Variants in MLLT3 observed in about 807,000 individuals in gnomAD.
MLLT3 encodes MLLT3 super elongation complex subunit.
MLLT3 carries 4 observed loss-of-function variants against 53.2 expected under a neutral mutation model. The observed-to-expected ratio is 0.08, with a 90% CI of 0.04 to 0.17. The LOEUF is 0.17. MLLT3 is among the 10% of genes least tolerant of loss of function. The pLI, the probability that MLLT3 is intolerant of heterozygous loss-of-function variation, is 1.00. For missense variants in MLLT3, 569 were observed against 684.0 expected (o/e 0.83, Z 1.87); for synonymous variants, 283 against 230.6 (o/e 1.23, Z -2.06).
rs559605660 is a variant in MLLT3, at chr9:20,523,726, T to G, written c.194-66940A>C. ...GGCTCATGCCTGTAATCCCAGCACTTTGGGAGGCTGATGAGGGCAATCGCT... is the reference window on the plus strand; with the variant it reads ...GGCTCATGCCTGTAATCCCAGCACTGTGGGAGGCTGATGAGGGCAATCGCT... On this transcript the variant is annotated intron_variant, in intron 2 of 10. Coordinates refer to ENST00000380338, the MANE Select transcript of MLLT3 (RefSeq NM_004529.4). Among the ~76,000 whole-genome samples the G allele has an allele frequency of 5.9e-5, 9 of 152,164 alleles. No homozygotes were observed. In the East Asian group the frequency reaches 1.5e-3, roughly 26 times the overall value.
At chr9:20,387,342 T>C (rs181702020) in intron 5 of MLLT3, among the ~76,000 whole-genome samples, 1 of 152,374 alleles carries the variant, frequency 6.6e-6, no homozygotes, top group Non-Finnish European at 1.5e-5. Flanking sequence ...GGGTACTTAG[T>C]ACAGCAATAT....
intron 8 of MLLT3, among the ~76,000 whole-genome samples, chr9:20,360,299 T>A (rs955421250): frequency 1.3e-5 from 2 of 152,182 alleles, no homozygotes; most frequent in African/African-American, 4.8e-5. Flanking sequence ...TAAAAGATAG[T>A]GTTAATGTCA....
chr9:20,559,017 T>C (rs1245590904), intron 2 of MLLT3, among the ~76,000 whole-genome samples: 2 of 152,190 alleles, frequency 1.3e-5, no homozygotes, highest in African/African-American at 4.8e-5. Flanking sequence ...GGGTAGACTG[T>C]AGCACAATGG....
chr9:20,364,872 C>T (rs1316716379), intron 6 of MLLT3, among the ~76,000 whole-genome samples: 5 of 152,050 alleles, frequency 3.3e-5, no homozygotes, highest in Non-Finnish European at 5.9e-5. Flanking sequence ...TGAAGATTTT[C>T]CACATACACA....
chr9:20,513,776 C>A (rs1817826763), intron 2 of MLLT3, among the ~76,000 whole-genome samples: 1 of 152,174 alleles, frequency 6.6e-6, no homozygotes, highest in Non-Finnish European at 1.5e-5. Context: ...GATAGTGTGT[C>A]AAGGATGACT....
chr9:20,610,867 T>A (rs1232121838), intron 2 of MLLT3, among the ~76,000 whole-genome samples: 2 of 152,138 alleles, frequency 1.3e-5, no homozygotes, highest in East Asian at 1.9e-4. Flanking sequence ...ACAACAAGCA[T>A]CAGACAATCT....
rs1176274864 is a variant in MLLT3, at chr9:20,620,293, A to ACACACGCGCGCG, written c.193+360_193+361insCGCGCGCGTGTG. ...CACACACACACACACACACACACAC[A>ACACACGCGCGCG]CGCGCAAAGTGTTTATTCCCTCCAG... On this transcript the variant is annotated intron_variant, in intron 2 of 10. Coordinates refer to ENST00000380338, the MANE Select transcript of MLLT3 (RefSeq NM_004529.4). The surrounding 1 kb of genome is among the most constrained non-coding windows in gnomAD (Gnocchi z 6.1). Among the ~76,000 whole-genome samples the ACACACGCGCGCG allele has an allele frequency of 2.1e-5, 3 of 145,962 alleles. No individual in the cohort carries two copies. The highest frequency in any genetic ancestry group is 7.5e-5 in the African/African-American group (3 of 39,816).
intron 5 of MLLT3, among the ~76,000 whole-genome samples, chr9:20,383,231 G>A (rs1167549519): frequency 2.0e-5 from 3 of 151,878 alleles, no homozygotes; most frequent in African/African-American, 4.8e-5. Flanking sequence ...GAAAACAAAT[G>A]CAGCTATCAG....
intron 2 of MLLT3, among the ~76,000 whole-genome samples, chr9:20,561,819 C>A (rs546641430): frequency 2.0e-5 from 3 of 152,118 alleles, no homozygotes; most frequent in Non-Finnish European, 4.4e-5. Flanking sequence ...GAAATAAGAA[C>A]CCTCTGTAGG....
rs573446171 is a variant in MLLT3, at chr9:20,457,713, A to T, written c.194-927T>A. Among the ~76,000 whole-genome samples, 4 of 152,368 alleles carry T rather than the reference A, an allele frequency of 2.6e-5. No individual in the cohort carries two copies. The East Asian group carries it at 7.7e-4, about 29-fold the overall frequency. On this transcript the variant is annotated intron_variant, in intron 2 of 10. Transcript: ENST00000380338. Reference sequence around the variant, plus strand: ...AGATCTAATCACATCATAAGAATACATAAGAAACAATAAGGCTTTTATTTC... The same window carrying T: ...AGATCTAATCACATCATAAGAATACTTAAGAAACAATAAGGCTTTTATTTC...
intron 2 of MLLT3, among the ~76,000 whole-genome samples, chr9:20,496,685 G>C (rs1330744552): frequency 6.6e-6 from 1 of 152,178 alleles, no homozygotes; most frequent in East Asian, 1.9e-4. Flanking sequence ...CTAGGTTAAA[G>C]TTGACATGGA....
At chr9:20,481,993 T>C (rs1824674013) in intron 2 of MLLT3, among the ~76,000 whole-genome samples, 1 of 152,184 alleles carries the variant, frequency 6.6e-6, no homozygotes, top group Non-Finnish European at 1.5e-5. Flanking sequence ...TAAGGAAATG[T>C]ACTTCGAACT....
intron 2 of MLLT3, among the ~76,000 whole-genome samples, chr9:20,510,655 G>C (rs1426406646): frequency 6.6e-6 from 1 of 151,288 alleles, no homozygotes; most frequent in African/African-American, 2.4e-5. Flanking sequence ...CAAAAACTTG[G>C]TGATTGTTAA....
At chr9:20,497,964 G>A (rs1563787596) in intron 2 of MLLT3, among the ~76,000 whole-genome samples, 1 of 152,046 alleles carries the variant, frequency 6.6e-6, no homozygotes, top group African/African-American at 2.4e-5. Flanking sequence ...GCTCATGCTT[G>A]TAATGCCAAC....
In MLLT3 at chr9:20,346,425, C is replaced by T. The variant is rs1403072227; in HGVS notation, c.*18G>A. The T allele has an allele frequency of 6.5e-7, 1 of 1,544,670 alleles. No individual in the cohort carries two copies. The highest frequency in any genetic ancestry group is 1.2e-5 in the South Asian group (1 of 80,382). ...AAAAAAAACACAATAGTTCTTGATGCATCCAGTTGTTATATCCTCAGGATG... is the reference window on the plus strand; with the variant it reads ...AAAAAAAACACAATAGTTCTTGATGTATCCAGTTGTTATATCCTCAGGATG... On this transcript the variant is annotated 3_prime_UTR_variant, in exon 11 of 11. Transcript: ENST00000380338.
chr9:20,476,410 T>A lies in MLLT3; in HGVS notation c.194-19624A>T, dbSNP rs536727822. Among the ~76,000 whole-genome samples the A allele has an allele frequency of 5.3e-5, 8 of 152,204 alleles. No homozygotes were observed. The East Asian group carries it at 1.5e-3, about 29-fold the overall frequency. On this transcript the variant is annotated intron_variant, in intron 2 of 10. Transcript: ENST00000380338. The stretch of plus-strand genomic sequence containing the variant: ...TTAAATATACTGTCTAACAAAGGTA[T>A]CTCATAGATTTCAGCATGCCTTATC...
intron 5 of MLLT3, among the ~76,000 whole-genome samples, chr9:20,403,025 G>T (rs1822493899): frequency 6.6e-6 from 1 of 152,050 alleles, no homozygotes; most frequent in Admixed American, 6.6e-5. Flanking sequence ...GGAGAGTTTG[G>T]GAAAGTGAGT....
chr9:20,376,154 G>A (rs189762075), intron 5 of MLLT3, among the ~76,000 whole-genome samples: 2 of 152,224 alleles, frequency 1.3e-5, no homozygotes, highest in East Asian at 3.9e-4. Flanking sequence ...AAAACAAGGT[G>A]GAACCGGGGA....
At chr9:20,513,811 G>C (rs1817828048) in intron 2 of MLLT3, among the ~76,000 whole-genome samples, 2 of 152,178 alleles carry the variant, frequency 1.3e-5, no homozygotes, top group South Asian at 4.1e-4. Context: ...TGTGAAACAA[G>C]TTACACCTAG....
Sources: gnomAD v4.1 joint callset for allele counts (sites outside exome capture counted in the v4.1 genomes callset) on GRCh38, gnomAD v4.1.1 for gene constraint, Gnocchi (gnomAD v3.1) non-coding constraint, MANE v1.5 for transcripts, NCBI Gene and HGNC (gene_info 2026-07-23, HGNC 2026-07-21) for gene names.